MACROD2: variants seen among roughly 807,000 people sequenced by gnomAD.
The protein encoded by MACROD2 is mono-ADP ribosylhydrolase 2.
A neutral mutation model predicts 70.4 loss-of-function variants in MACROD2; 36 were observed. The ratio of observed to expected loss-of-function variants is 0.51; its 90% CI spans 0.39 to 0.68. MACROD2 has a LOEUF of 0.68. MACROD2 is among the 30% of genes least tolerant of loss of function. The probability of loss-of-function intolerance (pLI) is 0.00; values close to 1 mark genes in which losing one functional copy is unlikely to be tolerated. For synonymous variants in MACROD2, 172 were observed against 178.8 expected (o/e 0.96, Z 0.30); for missense variants, 496 against 538.4 (o/e 0.92, Z 0.78).
At chr20:15,006,502 A>G (rs1039372123) in intron 5 of MACROD2, among the ~76,000 whole-genome samples, 1 of 152,100 alleles carries the variant, frequency 6.6e-6, no homozygotes, top group Non-Finnish European at 1.5e-5. Flanking sequence ...TCCCACCACA[A>G]AAAAAGGTAA....
At position 15,736,941 on chromosome 20, in the gene MACROD2, T is replaced by C. The variant is rs147820144; in HGVS notation, c.646-125804T>C. ...TTGAGGCTAGTATTTTTAAGAAATC[T>C]AGTCCAGTTTTACAATGCAGAGTGA... is the stretch of plus-strand genomic sequence containing the variant. On this transcript the variant is annotated intron_variant, in intron 8 of 17. Coordinates refer to ENST00000684519, the MANE Select transcript of MACROD2 (RefSeq NM_001351661.2). Among the ~76,000 whole-genome samples, 373 of 152,302 alleles carry C rather than the reference T, an allele frequency of 2.4e-3. 1 individual carries two copies. Among genetic ancestry groups the C allele is most frequent in the African/African-American group, 8.1e-3 (336 of 41,574 alleles).
chr20:15,912,031 C>A lies in MACROD2; in HGVS notation c.776-21245C>A, dbSNP rs1287511339. Reference sequence around the variant, plus strand: ...CAAAAAACAAAAAACAAAACAACAACAAAAATAATTGCATGTTTGCTTTTT... The same window carrying A: ...CAAAAAACAAAAAACAAAACAACAAAAAAAATAATTGCATGTTTGCTTTTT... On this transcript the variant is annotated intron_variant, in intron 10 of 17. Coordinates refer to ENST00000684519, the MANE Select transcript of MACROD2 (RefSeq NM_001351661.2). Among the ~76,000 whole-genome samples, 3 of 152,302 alleles carry A rather than the reference C, an allele frequency of 2.0e-5. No individual in the cohort carries two copies. The East Asian group carries it at 5.8e-4, about 29-fold the overall frequency.
At chr20:14,552,964 T>C (rs554530555) in intron 4 of MACROD2, among the ~76,000 whole-genome samples, 216 of 152,242 alleles carry the variant, frequency 1.4e-3, no homozygotes, top group African/African-American at 5.0e-3. Context: ...GAACTTAGGC[T>C]ACGTTAAATG....
At chr20:14,689,050 A>G (rs1175650316) in intron 5 of MACROD2, among the ~76,000 whole-genome samples, 2 of 130,896 alleles carry the variant, frequency 1.5e-5, no homozygotes, top group Admixed American at 1.6e-4. Context: ...TCTCTACATC[A>G]TCTCCTTCTG....
chr20:15,625,485 T>C (rs2049188528), intron 8 of MACROD2, among the ~76,000 whole-genome samples: 1 of 152,206 alleles, frequency 6.6e-6, no homozygotes, highest in Non-Finnish European at 1.5e-5. Flanking sequence ...AGTTAATTTA[T>C]CTTGAAAAAT....
At chr20:15,663,034 G>T (rs867383115) in intron 8 of MACROD2, among the ~76,000 whole-genome samples, 5 of 152,018 alleles carry the variant, frequency 3.3e-5, no homozygotes, top group Middle Eastern at 3.4e-3. Context: ...ATGCTTAAAG[G>T]GGTTATAGAA....
At chr20:14,038,183 A>G (rs903180914) in intron 2 of MACROD2, among the ~76,000 whole-genome samples, 2 of 151,624 alleles carry the variant, frequency 1.3e-5, no homozygotes, top group Admixed American at 1.3e-4. Context: ...AGTCCCAGCT[A>G]CTCAGGAGGC....
intron 3 of MACROD2, among the ~76,000 whole-genome samples, chr20:14,360,638 A>G (rs1243431627): frequency 2.0e-5 from 3 of 152,174 alleles, no homozygotes. Context: ...TGTTGGAGAG[A>G]GCAAATGAAT....
intron 5 of MACROD2, among the ~76,000 whole-genome samples, chr20:15,011,258 A>G (rs1341382526): frequency 6.6e-6 from 1 of 152,112 alleles, no homozygotes; most frequent in African/African-American, 2.4e-5. Flanking sequence ...AAGTTGTACA[A>G]TGGATTTCCT....
At chr20:15,891,303 T>C (rs1441260279) in intron 10 of MACROD2, among the ~76,000 whole-genome samples, 3 of 152,120 alleles carry the variant, frequency 2.0e-5, no homozygotes, top group African/African-American at 7.2e-5. Flanking sequence ...GAAAGGAAAC[T>C]GACAAAGCTA....
intron 6 of MACROD2, among the ~76,000 whole-genome samples, chr20:15,277,317 C>G (rs1236109676): frequency 1.3e-5 from 2 of 152,160 alleles, no homozygotes; most frequent in African/African-American, 4.8e-5. Flanking sequence ...AAAACTTGAT[C>G]AAAAGCCGAC....
At chr20:14,469,646 A>C (rs1036718383) in intron 3 of MACROD2, among the ~76,000 whole-genome samples, 1 of 150,532 alleles carries the variant, frequency 6.6e-6, no homozygotes, top group Non-Finnish European at 1.5e-5. Flanking sequence ...TTTTTCTCTA[A>C]TCTTGTCTTC....
At chr20:14,350,387 C>A (rs2083111605) in intron 3 of MACROD2, among the ~76,000 whole-genome samples, 1 of 151,998 alleles carries the variant, frequency 6.6e-6, no homozygotes. Flanking sequence ...CCCTCGCCAG[C>A]ATTTATTATT....
At chr20:15,038,036 T>G in intron 5 of MACROD2, among the ~76,000 whole-genome samples, 1 of 152,156 alleles carries the variant, frequency 6.6e-6, no homozygotes, top group South Asian at 2.1e-4. Context: ...TATCAGAATA[T>G]CATATGTATT....
At chr20:14,275,328 A>T (rs551322653) in intron 3 of MACROD2, among the ~76,000 whole-genome samples, 1 of 152,300 alleles carries the variant, frequency 6.6e-6, no homozygotes, top group African/African-American at 2.4e-5. Context: ...ATAACGTCGC[A>T]TATCTGCAAG....
At chr20:15,249,167 CT>C (rs2077132158) in intron 6 of MACROD2, among the ~76,000 whole-genome samples, 1 of 152,280 alleles carries the variant, frequency 6.6e-6, no homozygotes, top group African/African-American at 2.4e-5. Context: ...CGAGATCTCC[CT>C]CTTGCATAGC....
intron 3 of MACROD2, among the ~76,000 whole-genome samples, chr20:14,244,249 T>G (rs2122243985): frequency 6.6e-6 from 1 of 152,304 alleles, no homozygotes; most frequent in Non-Finnish European, 1.5e-5. Flanking sequence ...GCAGATATTC[T>G]GGCCCATGGC....
At chr20:15,345,943 A>T (rs1456002556) in intron 6 of MACROD2, among the ~76,000 whole-genome samples, 1 of 152,166 alleles carries the variant, frequency 6.6e-6, no homozygotes, top group Admixed American at 6.6e-5. Context: ...ATAGCCAAGT[A>T]GGGAGACCTA....
At chr20:15,850,984 AGAGC>A (rs1285475918) in intron 8 of MACROD2, among the ~76,000 whole-genome samples, 2 of 152,080 alleles carry the variant, frequency 1.3e-5, no homozygotes, top group African/African-American at 4.8e-5. Context: ...ACTGTTGGAC[AGAGC>A]TCAGGTGGCC....
Sources: gnomAD v4.1 joint callset for allele counts (sites outside exome capture counted in the v4.1 genomes callset) on GRCh38, gnomAD v4.1.1 for gene constraint, MANE v1.5 for transcripts, NCBI Gene and HGNC (gene_info 2026-07-23, HGNC 2026-07-21) for gene names.